CELF2: variants seen among roughly 807,000 people sequenced by gnomAD.
The protein encoded by CELF2 is CUG triplet repeat RNA-binding protein 2.
CELF2 carries 8 observed loss-of-function variants against 62.6 expected under a neutral mutation model. That is an observed-to-expected ratio of 0.13 (90% CI 0.07 to 0.23). The LOEUF is 0.23. CELF2 is among the 10% of genes least tolerant of loss of function. The pLI is 1.00. For synonymous variants in CELF2, 258 were observed against 250.0 expected, an observed-to-expected ratio of 1.03 and a Z score of -0.30; for missense variants, 333 against 671.0, an observed-to-expected ratio of 0.50 and a Z score of 5.56.
intron 1 of CELF2, among the ~76,000 whole-genome samples, chr10:10,810,536 T>C (rs1455386827): frequency 2.6e-5 from 4 of 151,982 alleles, no homozygotes; most frequent in Non-Finnish European, 5.9e-5. Flanking sequence ...CTGTCAGTAA[T>C]TGAGTGGCTG....
At chr10:10,781,636 C>G in the CELF2 span, among the ~76,000 whole-genome samples, 2 of 152,180 alleles carry the variant, frequency 1.3e-5, no homozygotes, top group East Asian at 3.8e-4. Flanking sequence ...TCCCATGACA[C>G]ATGGGGATTA....
chr10:10,599,397 C>T, the CELF2 span, among the ~76,000 whole-genome samples: 2,161 of 152,276 alleles, frequency 0.014, 17 homozygotes, highest in Non-Finnish European at 0.022. Flanking sequence ...CAGCAAAATG[C>T]TTGGCTCAGA....
At chr10:10,848,922 T>C (rs1385173914) in intron 1 of CELF2, among the ~76,000 whole-genome samples, 1 of 152,142 alleles carries the variant, frequency 6.6e-6, no homozygotes, top group Admixed American at 6.5e-5. Context: ...TATTGGCTGT[T>C]CTCACATGGT....
the CELF2 span, among the ~76,000 whole-genome samples, chr10:10,728,802 C>A: frequency 1.3e-5 from 2 of 152,102 alleles, no homozygotes; most frequent in Non-Finnish European, 2.9e-5. Flanking sequence ...AGGTAGATTT[C>A]TTTCTCTCTC....
At chr10:10,740,470 G>T in the CELF2 span, among the ~76,000 whole-genome samples, 2 of 152,124 alleles carry the variant, frequency 1.3e-5, no homozygotes, top group South Asian at 4.2e-4. Flanking sequence ...AGTGTAAATT[G>T]GTGTAGCCAT....
At chr10:10,485,295 G>T in the CELF2 span, among the ~76,000 whole-genome samples, 1 of 152,166 alleles carries the variant, frequency 6.6e-6, no homozygotes, top group African/African-American at 2.4e-5. Flanking sequence ...GAGGTGACAG[G>T]TGTTCATAGC....
At chr10:10,838,066 A>T (rs914529666) in intron 1 of CELF2, among the ~76,000 whole-genome samples, 2 of 152,134 alleles carry the variant, frequency 1.3e-5, no homozygotes, top group African/African-American at 2.4e-5. Context: ...GTCACAGTAC[A>T]TTTAGTGTCA....
the CELF2 span, among the ~76,000 whole-genome samples, chr10:10,514,931 T>C: frequency 0.99 from 150,105 of 152,350 alleles, 73,988 homozygotes; most frequent in East Asian, 1. Context: ...TTCTCATCAG[T>C]AAAATTGGAA....
the CELF2 span, among the ~76,000 whole-genome samples, chr10:10,792,054 G>A: frequency 6.9e-6 from 1 of 145,706 alleles, no homozygotes; most frequent in East Asian, 2.2e-4. Flanking sequence ...AGGGAGGAAG[G>A]AAGGAAGGAG....
chr10:11,217,283 T>C lies in CELF2; in HGVS notation c.272-142T>C. The C allele has an allele frequency of 1.8e-6, 1 of 544,588 alleles. No individual in the cohort carries two copies. Among genetic ancestry groups the C allele is most frequent in the East Asian group, 3.2e-5 (1 of 31,222 alleles). The allele number at this position is 544,588 out of a possible 1,614,324, so 33.7% of individuals were successfully genotyped here. On this transcript the variant is annotated intron_variant, in intron 2 of 12. Coordinates refer to ENST00000633077, the MANE Select transcript of CELF2 (RefSeq NM_001326342.2). This position sits in a 1 kb window ranked among gnomAD's most constrained non-coding sequence, Gnocchi z 5.6. ...AAAGGTACTGTGTAAATGCTTGAGA[T>C]GTTGTTATTGCTGTTCTCATATGCT...
At chr10:11,078,794 C>G (rs1172895714) in intron 1 of CELF2, among the ~76,000 whole-genome samples, 5 of 152,206 alleles carry the variant, frequency 3.3e-5, no homozygotes, top group African/African-American at 1.2e-4. Context: ...CAAGAAAAGA[C>G]TCTAAACCTT....
chr10:10,570,777 G>A, the CELF2 span, among the ~76,000 whole-genome samples: 1 of 152,110 alleles, frequency 6.6e-6, no homozygotes, highest in Non-Finnish European at 1.5e-5. Context: ...GAGAAGTTAG[G>A]AGATGTTGAA....
chr10:11,089,909 A>G (rs2047848917), intron 1 of CELF2, among the ~76,000 whole-genome samples: 1 of 152,290 alleles, frequency 6.6e-6, no homozygotes, highest in East Asian at 1.9e-4. Flanking sequence ...ATCCTAAGTG[A>G]ACTCATGGAG....
chr10:10,771,030 G>A, the CELF2 span, among the ~76,000 whole-genome samples: 1 of 152,136 alleles, frequency 6.6e-6, no homozygotes, highest in Non-Finnish European at 1.5e-5. Context: ...ACAGATCCTT[G>A]GGAAAGAGAT....
intron 1 of CELF2, among the ~76,000 whole-genome samples, chr10:11,033,850 T>G (rs1047350015): frequency 6.6e-5 from 10 of 152,218 alleles, no homozygotes; most frequent in Non-Finnish European, 1.3e-4. Flanking sequence ...CTGAGGAGTT[T>G]AGGACTTACG....
intron 1 of CELF2, among the ~76,000 whole-genome samples, chr10:11,143,842 T>C (rs2061772337): frequency 6.6e-6 from 1 of 152,396 alleles, no homozygotes; most frequent in Non-Finnish European, 1.5e-5. Context: ...TCAAAGTTTA[T>C]ACCTGACTTA....
intron 8 of CELF2, among the ~76,000 whole-genome samples, chr10:11,276,075 A>T (rs72775850): frequency 9.2e-5 from 14 of 152,318 alleles, no homozygotes; most frequent in Non-Finnish European, 1.9e-4. Context: ...TTTCGTTGTC[A>T]TCATGAAAAC....
intron 1 of CELF2, among the ~76,000 whole-genome samples, chr10:11,076,449 C>T (rs1056455679): frequency 6.6e-6 from 1 of 152,156 alleles, no homozygotes; most frequent in African/African-American, 2.4e-5. Flanking sequence ...GCTTTAAATG[C>T]GCACAGCTTG....
At chr10:10,698,031 T>C in the CELF2 span, among the ~76,000 whole-genome samples, 1 of 152,208 alleles carries the variant, frequency 6.6e-6, no homozygotes, top group Non-Finnish European at 1.5e-5. Flanking sequence ...TGACCTGAGG[T>C]GATCCGCCCA....
Sources: allele counts gnomAD v4.1 joint callset (sites outside exome capture counted in the v4.1 genomes callset), GRCh38; gene constraint gnomAD v4.1.1; non-coding constraint Gnocchi (gnomAD v3.1); transcripts MANE v1.5; gene names NCBI Gene and HGNC (gene_info 2026-07-23, HGNC 2026-07-21).